The following MAU2 variants were observed in gnomAD, a reference collection of about 807,000 sequenced individuals.
MAU2 encodes the protein MAU2 chromatid cohesion factor homolog.
In MAU2, 9 loss-of-function variants were observed where a neutral mutation model predicts 89.1. The ratio of observed to expected loss-of-function variants is 0.10; its 90% CI spans 0.06 to 0.18. MAU2 has a LOEUF of 0.18. Among genes scored for constraint, MAU2 ranks in the 10% least tolerant of loss-of-function variants. MAU2 has a pLI of 1.00. For synonymous variants in MAU2, 357 were observed against 343.4 expected (o/e 1.04, Z -0.44); for missense variants, 425 against 803.5 (o/e 0.53, Z 5.69).
rs962621349 is a variant in MAU2 at position 19,356,223 on chromosome 19, C to T, written c.*441C>T. 14 of 358,734 alleles carry T rather than the reference C, an allele frequency of 3.9e-5. No homozygotes were observed. The highest frequency in any genetic ancestry group is 7.8e-5 in the Non-Finnish European group (14 of 180,574). 22.2% of individuals were successfully genotyped at this position (358,734 alleles called of 1,614,324 possible). A position where few individuals can be genotyped will look rare whatever the true frequency, so the allele number is the denominator to read the frequency against. On this transcript the variant is annotated 3_prime_UTR_variant, in exon 19 of 19. Coordinates refer to ENST00000262815, the MANE Select transcript of MAU2 (RefSeq NM_015329.4). ...GTGTTTCCTCTGCTCAAGGCAATTT[C>T]CAGAGCCCGGATGCCAGTTTCTGGC... is the stretch of plus-strand genomic sequence containing the variant.
rs145867049 is a variant in MAU2, at chr19:19,323,022, C to A, written c.276+1887C>A. Among the ~76,000 whole-genome samples the A allele has an allele frequency of 4.5e-3, 686 of 152,130 alleles. 2 individuals carry two copies. The highest frequency in any genetic ancestry group is 0.031 in the South Asian group (150 of 4,824). Reference sequence around the variant, plus strand: ...TCTCCTGCCTCAGCCTCCCGAGTAGCTGGGACTACAGGTGTGCGCCACCAC... The same window carrying A: ...TCTCCTGCCTCAGCCTCCCGAGTAGATGGGACTACAGGTGTGCGCCACCAC... On this transcript the variant is annotated intron_variant, in intron 1 of 18. Coordinates refer to ENST00000262815, the MANE Select transcript of MAU2 (RefSeq NM_015329.4).
At chr19:19,344,420 A>G (rs2061677545) in intron 10 of MAU2, 1 of 234,408 alleles carries the variant, frequency 4.3e-6, no homozygotes, top group Non-Finnish European at 8.4e-6. Flanking sequence ...TCAAAAAAAA[A>G]AACCCAAAAA....
At chr19:19,321,245 G>A in intron 1 of MAU2, 110 bp downstream of exon 1, 2 of 1,280,772 alleles carry the variant, frequency 1.6e-6, no homozygotes, top group Non-Finnish European at 2.0e-6. Context: ...ACCTGGGGGC[G>A]CGACCTCCGT....
intron 1 of MAU2, chr19:19,321,719 A>G (rs2061459117): frequency 6.6e-6 from 1 of 152,212 alleles, no homozygotes; most frequent in South Asian, 2.1e-4. Context: ...CTGGTGTCGT[A>G]CGAGGGAAGC....
rs2048181543 is a variant in MAU2 at position 19,356,555 on chromosome 19, G to T, written c.*773G>T. On this transcript the variant is annotated 3_prime_UTR_variant, in exon 19 of 19. Transcript: ENST00000262815. ...TGCACCAGCCACCTTCCCCCATCTT[G>T]TGGCTGCTGAGGGGCAGGAAGCGGG... is the stretch of plus-strand genomic sequence containing the variant. The T allele has an allele frequency of 6.3e-6, 1 of 159,974 alleles. No homozygotes were observed. The highest frequency in any genetic ancestry group is 1.4e-5 in the Non-Finnish European group (1 of 72,964). 9.9% of individuals were successfully genotyped at this position (159,974 alleles called of 1,614,324 possible). A position where few individuals can be genotyped will look rare whatever the true frequency, so the allele number is the denominator to read the frequency against.
chr19:19,347,243 C>T (rs746937084), intron 12 of MAU2, 37 bp from the exon 13 acceptor site: 13 of 1,433,304 alleles, frequency 9.1e-6, no homozygotes, highest in African/African-American at 5.6e-5. Flanking sequence ...TCACAGCACC[C>T]GACCCAGCCC....
chr19:19,344,859 T>C lies in MAU2; in HGVS notation c.1088T>C (p.Val363Ala). 1 of 1,613,648 alleles carries C rather than the reference T, an allele frequency of 6.2e-7. No individual in the cohort carries two copies. The highest frequency in any genetic ancestry group is 8.5e-7 in the Non-Finnish European group (1 of 1,179,938). The part of the protein sequence containing the change: ...KATALQEISQ[V>A]CQLCQQSPRL... The stretch of plus-strand genomic sequence containing the variant: ...ACTCTCTCCCGGCAGATCTCCCAGG[T>C]CTGCCAGCTGTGCCAGCAGTCCCCC... The change falls in exon 11 of 19, where the codon GTC becomes GCC. Residue 363 changes from valine (V) to alanine (A), a missense_variant. Physicochemically the swap from Val to Ala is moderately conservative, Grantham distance 64. Coordinates refer to ENST00000262815, the MANE Select transcript of MAU2 (RefSeq NM_015329.4).
At chr19:19,346,560 G>A (rs2061694432) in intron 12 of MAU2, among the ~76,000 whole-genome samples, 1 of 152,128 alleles carries the variant, frequency 6.6e-6, no homozygotes, top group African/African-American at 2.4e-5. Context: ...ATCTGTGCTT[G>A]ATTCGGAAGA....
chr19:19,350,183 C>G, intron 16 of MAU2, among the ~76,000 whole-genome samples: 1 of 151,096 alleles, frequency 6.6e-6, no homozygotes, highest in Non-Finnish European at 1.5e-5. Context: ...GTAATCCAAG[C>G]TACTCGGGAG....
chr19:19,321,035 C>T lies in MAU2; in HGVS notation c.176C>T (p.Pro59Leu). 6.2e-7 allele frequency: 1 copy of T among 1,612,740 alleles called. No individual in the cohort carries two copies. Among genetic ancestry groups the T allele is most frequent in the Non-Finnish European group, 8.5e-7 (1 of 1,179,432 alleles). The change falls in exon 1 of 19, where the codon CCG becomes CTG. Residue 59 changes from proline (P) to leucine (L), a missense_variant. By Grantham distance (98) the Pro-to-Leu change is moderately conservative. Around this residue, in one of 11 missense-constraint regions of MAU2, gnomAD observed 57 missense variants for 57.5 expected, o/e 0.99. Coordinates refer to ENST00000262815, the MANE Select transcript of MAU2 (RefSeq NM_015329.4). ...CTGCAGGCCGTGTTCCCCTTCAAGCCGCCGCAGCGCATCGAGGCCCGTACA... is the reference window on the plus strand; with the variant it reads ...CTGCAGGCCGTGTTCCCCTTCAAGCTGCCGCAGCGCATCGAGGCCCGTACA... ...HCLQAVFPFKPPQRIEARTHL... is the reference protein window; with the variant it reads ...HCLQAVFPFKLPQRIEARTHL...
At chr19:19,327,917 A>G (rs781713740) in intron 1 of MAU2, among the ~76,000 whole-genome samples, 1 of 152,076 alleles carries the variant, frequency 6.6e-6, no homozygotes, top group Non-Finnish European at 1.5e-5. Context: ...GTTGATGACT[A>G]TAAGCATTGT....
intron 5 of MAU2, 104 bp downstream of exon 5, chr19:19,339,043 G>C: frequency 1.2e-6 from 1 of 859,408 alleles, no homozygotes; most frequent in Non-Finnish European, 1.8e-6. Flanking sequence ...GTGAAGTACA[G>C]TAGCTCACAG....
chr19:19,335,746 C>T lies in MAU2; in HGVS notation c.294+11C>T, dbSNP rs545544562. On this transcript the variant is annotated intron_variant, in intron 2 of 18. Transcript: ENST00000262815. The stretch of plus-strand genomic sequence containing the variant: ...TTGATATCACAGCAAGTATCCTTTC[C>T]GTGTTGGTATGGTTCCCTTTAAGGA... 1.6e-5 allele frequency: 26 copies of T among 1,613,748 alleles called. No individual in the cohort carries two copies. Among genetic ancestry groups the T allele is most frequent in the African/African-American group, 2.7e-5 (2 of 75,022 alleles).
chr19:19,326,932 T>C (rs1258788774), intron 1 of MAU2, among the ~76,000 whole-genome samples: 2 of 150,498 alleles, frequency 1.3e-5, no homozygotes, highest in Admixed American at 6.7e-5. Flanking sequence ...TCAAAGAGGG[T>C]ATGTCTTCCT....
At chr19:19,342,459 G>T (rs1473943076) in intron 7 of MAU2, 76 bp from the exon 8 acceptor site, 4 of 1,494,188 alleles carry the variant, frequency 2.7e-6, no homozygotes, top group Non-Finnish European at 3.6e-6. Flanking sequence ...AGAGGAAGGA[G>T]CAGGGGTGGC....
In MAU2 at chr19:19,340,897, G is replaced by A. The variant is rs769905841; in HGVS notation, c.579+24G>A. On this transcript the variant is annotated intron_variant, in intron 6 of 18. Coordinates refer to ENST00000262815, the MANE Select transcript of MAU2 (RefSeq NM_015329.4). Reference sequence around the variant, plus strand: ...TGGTAAGTTGAGGCTGGGCATGGCTGGATGCAGCTGGTGTTGTGGAGGTGA... The same window carrying A: ...TGGTAAGTTGAGGCTGGGCATGGCTAGATGCAGCTGGTGTTGTGGAGGTGA... The A allele has an allele frequency of 1.2e-5, 20 of 1,612,566 alleles. No individual in the cohort carries two copies. The African/African-American group carries it at 2.1e-4, about 17-fold the overall frequency.
At chr19:19,321,221 G>A (rs933072725) in intron 1 of MAU2, 86 bp downstream of exon 1, 3 of 1,377,062 alleles carry the variant, frequency 2.2e-6, no homozygotes, top group Non-Finnish European at 1.9e-6. Context: ...CGGGTGGGGG[G>A]CCGCTCCTCG....
At chr19:19,348,734 A>T in intron 13 of MAU2, 155 bp from the exon 14 acceptor site, 1 of 809,896 alleles carries the variant, frequency 1.2e-6, no homozygotes, top group Non-Finnish European at 2.1e-6. Flanking sequence ...GGCCCTTCTC[A>T]CCAGAGGCTG....
Position 19,355,960 on chromosome 19 carries a change from C to G in MAU2, c.*178C>G, listed in dbSNP as rs770428217. The stretch of plus-strand genomic sequence containing the variant: ...CAGGAGGGGTGGTAGCCGTTCCCAC[C>G]TCGCAGCAGGACCCCCAGTGCAGAG... On this transcript the variant is annotated 3_prime_UTR_variant, in exon 19 of 19. Coordinates refer to ENST00000262815, the MANE Select transcript of MAU2 (RefSeq NM_015329.4). The G allele has an allele frequency of 2.8e-6, 2 of 707,354 alleles. No homozygotes were observed. The highest frequency in any genetic ancestry group is 1.7e-5 in the African/African-American group (1 of 57,274). 43.8% of individuals were successfully genotyped at this position (707,354 alleles called of 1,614,324 possible).
Sources: allele counts gnomAD v4.1 joint callset (sites outside exome capture counted in the v4.1 genomes callset), GRCh38; gene constraint gnomAD v4.1.1; regional missense constraint gnomAD v4.1.1; transcripts MANE v1.5; gene names NCBI Gene and HGNC (gene_info 2026-07-23, HGNC 2026-07-21).